The following RHPN1 variants were observed in gnomAD, a reference collection of about 807,000 sequenced individuals.
RHPN1 encodes rhophilin-1.
A neutral mutation model predicts 74.7 loss-of-function variants in RHPN1; 77 were observed. The observed-to-expected ratio is 1.03, with a 90% CI of 0.86 to 1.25. The LOEUF (loss-of-function observed/expected upper bound fraction) is 1.25, where lower values mean the gene tolerates loss of function less well. Among genes scored for constraint, RHPN1 ranks in the 50% most tolerant of loss-of-function variants. The pLI is 0.00. For synonymous variants in RHPN1, 444 were observed against 414.5 expected, an observed-to-expected ratio of 1.07 and a Z score of -0.87; for missense variants, 987 against 932.2, an observed-to-expected ratio of 1.06 and a Z score of -0.77.
Position 143,370,791 on chromosome 8 carries a change from C to T in RHPN1, c.60+1744C>T, listed in dbSNP as rs569444608. ...TGGCCAACCCAGCTGCCGTCCCTCC[C>T]GCAGGGGCTGCAGGGGCTCCCGGGG... On this transcript the variant is annotated intron_variant, in intron 1 of 14. Coordinates refer to ENST00000289013, the MANE Select transcript of RHPN1 (RefSeq NM_052924.3). Among the ~76,000 whole-genome samples, 6 of 152,380 alleles carry T rather than the reference C, an allele frequency of 3.9e-5. No individual in the cohort carries two copies. In the South Asian group the frequency reaches 8.3e-4, roughly 21 times the overall value.
intron 1 of RHPN1, among the ~76,000 whole-genome samples, chr8:143,369,311 C>G (rs1168180534): frequency 6.6e-6 from 1 of 152,224 alleles, no homozygotes; most frequent in East Asian, 1.9e-4. Flanking sequence ...ACGCCCTCCT[C>G]GTGTCCCCCT....
At chr8:143,379,155 T>A in intron 7 of RHPN1, 77 bp downstream of exon 7, 1 of 1,421,684 alleles carries the variant, frequency 7.0e-7, no homozygotes, top group South Asian at 1.5e-5. Flanking sequence ...GGGCAGGAGC[T>A]GGGGAGTGGT....
rs892576709 is a variant in RHPN1, at chr8:143,368,915, G to C, written c.-73G>C. ...GGCCCAGGTGGTGCGGGCGGCCCTAGCCCGGCTGCGGAGCGCTGCGCGAGC... is the reference window on the plus strand; with the variant it reads ...GGCCCAGGTGGTGCGGGCGGCCCTACCCCGGCTGCGGAGCGCTGCGCGAGC... On this transcript the variant is annotated 5_prime_UTR_variant, in exon 1 of 15. Coordinates refer to ENST00000289013, the MANE Select transcript of RHPN1 (RefSeq NM_052924.3). The C allele has an allele frequency of 3.9e-6, 5 of 1,272,236 alleles. No individual in the cohort carries two copies. The highest frequency in any genetic ancestry group is 5.1e-6 in the Non-Finnish European group (5 of 977,164). The allele number at this position is 1,272,236 out of a possible 1,614,324, so 78.8% of individuals were successfully genotyped here.
chr8:143,370,693 G>A (rs1005636480), intron 1 of RHPN1, among the ~76,000 whole-genome samples: 3 of 152,246 alleles, frequency 2.0e-5, no homozygotes, highest in East Asian at 1.9e-4. Context: ...GCCTCAGCCC[G>A]TCTGATGAAC....
intron 3 of RHPN1, 27 bp from the exon 4 acceptor site, chr8:143,377,353 G>A: frequency 6.2e-7 from 1 of 1,602,456 alleles, no homozygotes; most frequent in East Asian, 2.2e-5. Context: ...TGGCCTTACA[G>A]TCTGAAGTCG....
At chr8:143,376,930 C>G (rs1452009078) in intron 3 of RHPN1, among the ~76,000 whole-genome samples, 2 of 134,664 alleles carry the variant, frequency 1.5e-5, no homozygotes, top group Non-Finnish European at 3.2e-5. Flanking sequence ...CTGCATGTGT[C>G]TGTGTGTGCA....
chr8:143,378,432 G>A (rs1423747915), intron 5 of RHPN1, 86 bp downstream of exon 5: 6 of 1,145,282 alleles, frequency 5.2e-6, no homozygotes, highest in African/African-American at 3.1e-5. Flanking sequence ...ACAGACAGAG[G>A]AGCTCAGCGT....
chr8:143,364,759 G>A (rs1024730372), upstream of RHPN1, among the ~76,000 whole-genome samples: 5 of 152,166 alleles, frequency 3.3e-5, no homozygotes, highest in Non-Finnish European at 5.9e-5. This position sits in a 1 kb window ranked among gnomAD's most constrained non-coding sequence, Gnocchi z 4.5. Context: ...TCTGAATGAT[G>A]AATGGCTTTC....
chr8:143,378,531 C>G (rs928974132), intron 5 of RHPN1, among the ~76,000 whole-genome samples, 165 bp from the exon 6 acceptor site: 6 of 152,092 alleles, frequency 3.9e-5, no homozygotes, highest in African/African-American at 1.4e-4. Context: ...TCCCAGGTGG[C>G]TCCGGTGCCG....
Position 143,379,907 on chromosome 8 carries a change from G to C in RHPN1, c.1024G>C (p.Ala342Pro), listed in dbSNP as rs377453004. The C allele has an allele frequency of 6.2e-7, 1 of 1,605,488 alleles. No homozygotes were observed. Among genetic ancestry groups the C allele is most frequent in the Non-Finnish European group, 8.5e-7 (1 of 1,176,616 alleles). The change falls in exon 9 of 15, where the codon GCC (alanine) becomes CCC (proline). Residue 342 changes from alanine to proline, a missense_variant. Coordinates refer to ENST00000289013, the MANE Select transcript of RHPN1 (RefSeq NM_052924.3). ...VHDYVPVSWT[A>P]LVHVKAEYFR... ...CGACTACGTGCCTGTCTCCTGGACT[G>C]CCCTGGTGCATGTCAAGGCCGAGTA... is the stretch of plus-strand genomic sequence containing the variant.
rs1370194400 is a variant in RHPN1, at chr8:143,379,072, G to A, written c.745G>A (p.Ala249Thr). 3 of 1,517,712 alleles carry A rather than the reference G, an allele frequency of 2.0e-6. No individual in the cohort carries two copies. The highest frequency in any genetic ancestry group is 1.2e-5 in the South Asian group (1 of 80,750). The allele number at this position is 1,517,712 out of a possible 1,614,324, so 94.0% of individuals were successfully genotyped here. Reference sequence around the variant, plus strand: ...CCGCGCTATGGAGGCCTTCCAGAGGGCCGCTGGTGAGGGCGGCCCGGGCCG... The same window carrying A: ...CCGCGCTATGGAGGCCTTCCAGAGGACCGCTGGTGAGGGCGGCCCGGGCCG... ...ARRAMEAFQR[A>T]AGAFSLLREN... Residue 249 changes from alanine (A) to threonine (T), a missense_variant, in exon 7 of 15, where the codon GCC becomes ACC. Physicochemically the swap from Ala to Thr is moderately conservative, Grantham distance 58. Coordinates refer to ENST00000289013, the MANE Select transcript of RHPN1 (RefSeq NM_052924.3).
Position 143,378,290 on chromosome 8 carries a change from G to A in RHPN1, c.403G>A (p.Gly135Arg). Residue 135 changes from glycine (G) to arginine (R), a missense_variant, in exon 5 of 15, where the codon GGA (glycine) becomes AGA (arginine). Coordinates refer to ENST00000289013, the MANE Select transcript of RHPN1 (RefSeq NM_052924.3). ...PLKELISVHF[G>R]EDGASYEAEI... is the part of the protein sequence containing the mutation. ...TCAGGAGCTGATCTCAGTGCACTTT[G>A]GAGAGGACGGCGCCTCCTACGAGGC... is the stretch of plus-strand genomic sequence containing the variant. The A allele has an allele frequency of 6.3e-7, 1 of 1,575,878 alleles. No individual in the cohort carries two copies. Among genetic ancestry groups the A allele is most frequent in the Non-Finnish European group, 8.6e-7 (1 of 1,161,164 alleles).
intron 2 of RHPN1, 56 bp from the exon 3 acceptor site, chr8:143,376,469 C>T (rs547871186): frequency 1.3e-5 from 21 of 1,597,084 alleles, no homozygotes; most frequent in Admixed American, 1.2e-4. Context: ...GCAGTGGGCA[C>T]GGGGCCTTTG....
chr8:143,377,548 A>G, intron 4 of RHPN1, 93 bp downstream of exon 4: 1 of 869,620 alleles, frequency 1.1e-6, no homozygotes, highest in Non-Finnish European at 1.8e-6. Flanking sequence ...CTGGTTGAAC[A>G]GATAGGGAAA....
At chr8:143,369,148 A>C in intron 1 of RHPN1, 101 bp downstream of exon 1, 1 of 886,566 alleles carries the variant, frequency 1.1e-6, no homozygotes, top group Non-Finnish European at 1.6e-6. Flanking sequence ...CCTACGTCTC[A>C]TTCGGCCCGG....
chr8:143,380,907 A>G (rs1225757869), intron 11 of RHPN1, 124 bp downstream of exon 11: 1 of 859,348 alleles, frequency 1.2e-6, no homozygotes, highest in South Asian at 1.8e-5. Context: ...CAGCAGTAGC[A>G]CTTTCCAGGC....
chr8:143,369,347 T>C (rs1035844584), intron 1 of RHPN1, among the ~76,000 whole-genome samples: 2 of 152,154 alleles, frequency 1.3e-5, no homozygotes, highest in African/African-American at 4.8e-5. Flanking sequence ...GGCTGGGCTC[T>C]GTGAGCGCCC....
intron 5 of RHPN1, 114 bp downstream of exon 5, chr8:143,378,460 G>C (rs927093156): frequency 1.9e-6 from 2 of 1,034,584 alleles, no homozygotes; most frequent in Non-Finnish European, 2.8e-6. Flanking sequence ...TCGAGGACGT[G>C]GGGAGACGGG....
At chr8:143,372,840 C>T (rs1563787693) in intron 1 of RHPN1, among the ~76,000 whole-genome samples, 2 of 74,544 alleles carry the variant, frequency 2.7e-5, no homozygotes, top group African/African-American at 6.5e-5. Context: ...GGGGATGGCA[C>T]AGGTGTCTGG....
Sources: allele counts gnomAD v4.1 joint callset (sites outside exome capture counted in the v4.1 genomes callset), GRCh38; gene constraint gnomAD v4.1.1; non-coding constraint Gnocchi (gnomAD v3.1); transcripts MANE v1.5; gene names NCBI Gene and HGNC (gene_info 2026-07-23, HGNC 2026-07-21).